Variants in MRPS27 observed in about 807,000 individuals in gnomAD.
MRPS27 encodes the protein mitochondrial ribosomal protein S27.
MRPS27 carries 43 observed loss-of-function variants against 48.9 expected under a neutral mutation model. That is an observed-to-expected ratio of 0.88 (90% CI 0.69 to 1.13). The LOEUF (loss-of-function observed/expected upper bound fraction) is 1.13, where lower values mean the gene tolerates loss of function less well. Ranked by LOEUF, MRPS27 falls within the 50% of genes most tolerant of loss-of-function variation. The pLI is 0.00. For synonymous variants in MRPS27, 188 were observed against 171.9 expected (o/e 1.09, Z -0.73); for missense variants, 467 against 476.3 (o/e 0.98, Z 0.18).
intron 2 of MRPS27, among the ~76,000 whole-genome samples, chr5:72,298,712 C>CAAAAAAA (rs1259668404): frequency 9.8e-5 from 3 of 30,578 alleles, no homozygotes; most frequent in African/African-American, 1.6e-4. Flanking sequence ...GACTCCGTCT[C>CAAAAAAA]AAAAAAAAAA....
chr5:72,259,601 T>C (rs1029969921), intron 4 of MRPS27, among the ~76,000 whole-genome samples: 2 of 152,170 alleles, frequency 1.3e-5, no homozygotes, highest in African/African-American at 4.8e-5. Context: ...TTAATGATTA[T>C]AGAAACATAC....
Position 72,297,719 on chromosome 5 carries a change from A to AG in MRPS27, c.152-18dup. On this transcript the variant is annotated splice_polypyrimidine_tract_variant and intron_variant, in intron 2 of 10. Coordinates refer to ENST00000261413, the MANE Select transcript of MRPS27 (RefSeq NM_015084.3). ...CAAGATCAGCTGTGAAGACAAAAAA[A>AG]GAAAAAAAACCTTGTTAAAGATACA... 6.5e-7 allele frequency: 1 copy of AG among 1,532,760 alleles called. No individual in the cohort carries two copies. Among genetic ancestry groups the AG allele is most frequent in the Non-Finnish European group, 8.8e-7 (1 of 1,136,758 alleles). 94.9% of individuals were successfully genotyped at this position (1,532,760 alleles called of 1,614,324 possible).
intron 1 of MRPS27, among the ~76,000 whole-genome samples, chr5:72,318,944 T>A (rs986456852): frequency 1.3e-5 from 2 of 152,194 alleles, no homozygotes; most frequent in African/African-American, 4.8e-5. Flanking sequence ...TAACACTGCC[T>A]AATGTGTGAC....
chr5:72,272,004 T>G (rs1165286713), intron 4 of MRPS27, among the ~76,000 whole-genome samples: 23 of 152,176 alleles, frequency 1.5e-4, no homozygotes, highest in Middle Eastern at 3.4e-3. Flanking sequence ...AGCTCTAGTT[T>G]TTACATTTTT....
At chr5:72,235,065 C>A (rs140328285) in intron 5 of MRPS27, among the ~76,000 whole-genome samples, 1 of 152,130 alleles carries the variant, frequency 6.6e-6, no homozygotes, top group Non-Finnish European at 1.5e-5. Flanking sequence ...TAACCCCCAA[C>A]TGAATCACCA....
chr5:72,290,312 T>A (rs1044781838), intron 4 of MRPS27, among the ~76,000 whole-genome samples: 2 of 152,192 alleles, frequency 1.3e-5, no homozygotes, highest in East Asian at 3.8e-4. Context: ...ACACTCACCA[T>A]AACTGACTCC....
chr5:72,255,004 A>G lies in MRPS27; in HGVS notation c.282-16876T>C, dbSNP rs111440526. On this transcript the variant is annotated intron_variant, in intron 4 of 10. Coordinates refer to ENST00000261413, the MANE Select transcript of MRPS27 (RefSeq NM_015084.3). ...TATATAGCAGAGCTTACCCTACCAC[A>G]TCTAAAATGTAACACATTTCTTTTC... 2.8e-3 allele frequency among the ~76,000 whole-genome samples: 404 copies of G among 145,334 alleles called. 4 individuals carry two copies. Among genetic ancestry groups the G allele is most frequent in the African/African-American group, 9.8e-3 (384 of 39,304 alleles).
chr5:72,292,418 C>T, intron 4 of MRPS27, among the ~76,000 whole-genome samples: 1 of 152,068 alleles, frequency 6.6e-6, no homozygotes, highest in East Asian at 1.9e-4. Context: ...TGTTCTCCTG[C>T]CTGCTGTCTG....
chr5:72,304,198 A>C (rs950062223), intron 2 of MRPS27, among the ~76,000 whole-genome samples: 1 of 152,278 alleles, frequency 6.6e-6, no homozygotes, highest in African/African-American at 2.4e-5. Flanking sequence ...AATCTCTAAA[A>C]AAGTAGAGGA....
chr5:72,288,273 T>C (rs1012719330), intron 4 of MRPS27, among the ~76,000 whole-genome samples: 10 of 151,818 alleles, frequency 6.6e-5, no homozygotes, highest in African/African-American at 4.8e-5. Flanking sequence ...AATGGCATGA[T>C]CTCGGCTCAC....
At chr5:72,304,585 C>T (rs1371098637) in intron 2 of MRPS27, among the ~76,000 whole-genome samples, 1 of 152,182 alleles carries the variant, frequency 6.6e-6, no homozygotes, top group Non-Finnish European at 1.5e-5. Flanking sequence ...TGGGTCACTA[C>T]ATAATGACCA....
intron 1 of MRPS27, among the ~76,000 whole-genome samples, chr5:72,316,598 C>G (rs1750570491): frequency 6.6e-6 from 1 of 151,832 alleles, no homozygotes; most frequent in Non-Finnish European, 1.5e-5. Context: ...CGAACTCCTA[C>G]CTTAGGAGAT....
intron 3 of MRPS27, 85 bp from the exon 4 acceptor site, chr5:72,295,674 GAAA>G: frequency 1.1e-6 from 1 of 950,382 alleles, no homozygotes; most frequent in Non-Finnish European, 1.7e-6. Flanking sequence ...ATTGACCTTA[GAAA>G]ACACAGGACA....
chr5:72,228,163 T>C (rs950139480), intron 8 of MRPS27, 103 bp downstream of exon 8: 3 of 1,044,778 alleles, frequency 2.9e-6, no homozygotes, highest in Non-Finnish European at 4.3e-6. Flanking sequence ...GCTAATTGGA[T>C]TTCACTGGTA....
At chr5:72,284,429 TAA>T (rs780830271) in intron 4 of MRPS27, among the ~76,000 whole-genome samples, 10 of 135,006 alleles carry the variant, frequency 7.4e-5, no homozygotes, top group African/African-American at 1.1e-4. Flanking sequence ...GTCTTTAAAT[TAA>T]AAAAAAAAAA....
intron 2 of MRPS27, among the ~76,000 whole-genome samples, chr5:72,298,705 T>A (rs1580110528): frequency 9.9e-6 from 1 of 100,904 alleles, no homozygotes; most frequent in Non-Finnish European, 1.8e-5. Flanking sequence ...AGAGCGAGAC[T>A]CCGTCTCAAA....
At position 72,226,178 on chromosome 5, in the gene MRPS27, C is replaced by T. The variant is rs1396812053; in HGVS notation, c.716G>A (p.Gly239Glu). The change falls in exon 9 of 11, where the codon GGG becomes GAG. Residue 239 changes from glycine to glutamate, a missense_variant. Transcript: ENST00000261413. ...ALLGKVELQQGLRAVYHNMPL... is the reference protein window; with the variant it reads ...ALLGKVELQQELRAVYHNMPL... ...CATGTTGTGGTACACAGCCCGTAGC[C>T]CTTGCTGCAACTCCACCTTCCCTGT... The T allele has an allele frequency of 6.2e-7, 1 of 1,613,548 alleles. No individual in the cohort carries two copies. The highest frequency in any genetic ancestry group is 8.5e-7 in the Non-Finnish European group (1 of 1,179,770).
intron 4 of MRPS27, among the ~76,000 whole-genome samples, chr5:72,263,864 T>G (rs1392153806): frequency 6.6e-6 from 1 of 152,036 alleles, no homozygotes; most frequent in African/African-American, 2.4e-5. Flanking sequence ...AAAGACAGAA[T>G]TACTGTAGGA....
intron 4 of MRPS27, among the ~76,000 whole-genome samples, chr5:72,273,722 C>T (rs1341685306): frequency 1.3e-5 from 2 of 152,094 alleles, no homozygotes; most frequent in African/African-American, 4.8e-5. Flanking sequence ...GCTTGTAGCA[C>T]TACAAGTAGC....
Sources: allele counts gnomAD v4.1 joint callset (sites outside exome capture counted in the v4.1 genomes callset), GRCh38; gene constraint gnomAD v4.1.1; transcripts MANE v1.5; gene names NCBI Gene and HGNC (gene_info 2026-07-23, HGNC 2026-07-21).